The following CCAR1 variants were observed in gnomAD, a reference collection of about 807,000 sequenced individuals.
CCAR1 encodes the protein cell division cycle and apoptosis regulator protein 1.
In CCAR1, 78 loss-of-function variants were observed where a neutral mutation model predicts 163.8. The observed-to-expected ratio is 0.48, with a 90% CI of 0.40 to 0.57. The LOEUF is 0.57. Ranked by LOEUF, CCAR1 falls within the 20% of genes least tolerant of loss-of-function variation. The pLI is 0.00. For synonymous variants in CCAR1, 443 were observed against 460.7 expected (o/e 0.96, Z 0.49); for missense variants, 1,019 against 1,365.2 (o/e 0.75, Z 4.00).
chr10:68,737,858 C>T lies in CCAR1; in HGVS notation c.260C>T (p.Pro87Leu). Residue 87 changes from proline (P) to leucine (L), a missense_variant, in exon 4 of 25, where the codon CCT becomes CTT. Pro to Leu is a moderately conservative substitution (Grantham distance 98, BLOSUM62 -3). Around this residue, in one of 4 missense-constraint regions of CCAR1, gnomAD observed 644 missense variants for 904.4 expected, o/e 0.71. Coordinates refer to ENST00000265872, the MANE Select transcript of CCAR1 (RefSeq NM_018237.4). ...TTAATCTTTCAGCAATATTCACAAC[C>T]TCAGCAGGCCCTGTATAGTGTGCAA... The part of the protein sequence containing the change: ...AAALQQQYSQ[P>L]QQALYSVQQQ... 1 of 1,591,022 alleles carries T rather than the reference C, an allele frequency of 6.3e-7. No individual in the cohort carries two copies. Among genetic ancestry groups the T allele is most frequent in the South Asian group, 1.2e-5 (1 of 86,120 alleles).
chr10:68,789,198 T>C (rs1157598016), intron 23 of CCAR1, among the ~76,000 whole-genome samples: 3 of 151,868 alleles, frequency 2.0e-5, no homozygotes, highest in African/African-American at 7.3e-5. Flanking sequence ...CATGAGCCAC[T>C]GCGCCTGGCC....
chr10:68,727,075 T>G (rs1170232250), intron 2 of CCAR1, among the ~76,000 whole-genome samples: 2 of 136,662 alleles, frequency 1.5e-5, no homozygotes, highest in Non-Finnish European at 3.1e-5. Flanking sequence ...TTTTTTTTTG[T>G]TTTTTTTTTT....
chr10:68,770,304 T>C (rs2056586204), intron 17 of CCAR1, among the ~76,000 whole-genome samples: 1 of 152,228 alleles, frequency 6.6e-6, no homozygotes, highest in African/African-American at 2.4e-5. Context: ...TTATTTATTC[T>C]CTCCACTAGC....
chr10:68,771,668 A>G, intron 18 of CCAR1, among the ~76,000 whole-genome samples: 1 of 152,010 alleles, frequency 6.6e-6, no homozygotes, highest in Middle Eastern at 3.2e-3. Flanking sequence ...CTATAGTCCT[A>G]GCTATTGGGG....
At chr10:68,778,814 A>G (rs1357419753) in intron 19 of CCAR1, among the ~76,000 whole-genome samples, 2 of 151,872 alleles carry the variant, frequency 1.3e-5, no homozygotes, top group African/African-American at 4.8e-5. Context: ...TTCATATTTT[A>G]TATCTCATGA....
intron 13 of CCAR1, among the ~76,000 whole-genome samples, chr10:68,755,925 A>G (rs1333232525): frequency 1.3e-5 from 2 of 152,106 alleles, no homozygotes; most frequent in African/African-American, 2.4e-5. Context: ...CTTGAGGCTT[A>G]TTTGTCCTGT....
At chr10:68,789,066 C>T (rs771361406) in intron 23 of CCAR1, among the ~76,000 whole-genome samples, 1 of 151,662 alleles carries the variant, frequency 6.6e-6, no homozygotes, top group African/African-American at 2.4e-5. Flanking sequence ...CGTGTCACCA[C>T]GCCTGGCTAA....
chr10:68,726,204 T>TGCA (rs2055943611), intron 2 of CCAR1, among the ~76,000 whole-genome samples: 1 of 146,952 alleles, frequency 6.8e-6, no homozygotes, highest in South Asian at 2.2e-4. Context: ...CAGGCTGGAG[T>TGCA]GCAGTGGCAT....
Position 68,788,129 on chromosome 10 carries a change from A to G in CCAR1, c.3002-14A>G. 3 of 1,540,020 alleles carry G rather than the reference A, an allele frequency of 1.9e-6. No homozygotes were observed. The highest frequency in any genetic ancestry group is 2.6e-6 in the Non-Finnish European group (3 of 1,145,032). On this transcript the variant is annotated splice_polypyrimidine_tract_variant and intron_variant, in intron 22 of 24. Transcript: ENST00000265872. ...AAAATAACTTACTAAAATATGGTAT[A>G]TTTTATATTATAGGAAACAGATTAT... is the stretch of plus-strand genomic sequence containing the variant.
intron 9 of CCAR1, 58 bp downstream of exon 9, chr10:68,749,323 T>C (rs1564537190): frequency 1.3e-6 from 2 of 1,493,316 alleles, no homozygotes; most frequent in South Asian, 2.6e-5. Context: ...AATGGAAACA[T>C]AGTTAATGCC....
rs2133350729 is a variant in CCAR1, at chr10:68,749,132, A to G, written c.827-4A>G. On this transcript the variant is annotated splice_polypyrimidine_tract_variant and splice_region_variant and intron_variant, in intron 8 of 24. Transcript: ENST00000265872. ...TAAACGTTTTTTTCTTTTATCTTTT[A>G]AAGCTGGTTTATTGCAGCCTCCTGT... 3 of 1,613,730 alleles carry G rather than the reference A, an allele frequency of 1.9e-6. No homozygotes were observed. The South Asian group carries it at 3.3e-5, about 18-fold the overall frequency.
intron 19 of CCAR1, 41 bp downstream of exon 19, chr10:68,773,140 T>C: frequency 9.3e-7 from 1 of 1,071,870 alleles, no homozygotes; most frequent in South Asian, 1.5e-5. Context: ...GAGTTAAGAA[T>C]ACATTTTTTG....
chr10:68,772,899 C>A, intron 18 of CCAR1, 89 bp from the exon 19 acceptor site: 1 of 605,480 alleles, frequency 1.7e-6, no homozygotes, highest in Non-Finnish European at 2.8e-6. Context: ...TCGCTTGAGC[C>A]CACGGGTTGG....
chr10:68,737,790 T>A, intron 3 of CCAR1, 55 bp from the exon 4 acceptor site: 3 of 977,038 alleles, frequency 3.1e-6, no homozygotes, highest in Non-Finnish European at 4.7e-6. Flanking sequence ...TTTTTGAGAA[T>A]GAATAAATTT....
At chr10:68,733,053 T>C (rs905216641) in intron 2 of CCAR1, among the ~76,000 whole-genome samples, 5 of 152,214 alleles carry the variant, frequency 3.3e-5, no homozygotes, top group African/African-American at 9.6e-5. Flanking sequence ...AAATTCACTT[T>C]GTTGGTCCTT....
chr10:68,758,502 CAG>C (rs1491154614), intron 15 of CCAR1, among the ~76,000 whole-genome samples: 1 of 101,204 alleles, frequency 9.9e-6, no homozygotes. Flanking sequence ...CCATCCTGGG[CAG>C]TGTGTGTGTG....
Position 68,756,292 on chromosome 10 carries a change from C to A in CCAR1, c.1645C>A (p.Arg549Ser), listed in dbSNP as rs2056396463. The change falls in exon 14 of 25, where the codon CGC becomes AGC. Residue 549 changes from arginine (R) to serine (S), a missense_variant. Coordinates refer to ENST00000265872, the MANE Select transcript of CCAR1 (RefSeq NM_018237.4). This position sits in a 1 kb window ranked among gnomAD's most constrained non-coding sequence, Gnocchi z 5.1. ...CTQWYRFAEI[R>S]YHRPEETHKG... ...CAACAGGTACCGTTTTGCAGAGATTCGCTACCATCGCCCTGAGGAGACCCA... is the reference window on the plus strand; with the variant it reads ...CAACAGGTACCGTTTTGCAGAGATTAGCTACCATCGCCCTGAGGAGACCCA... The A allele has an allele frequency of 6.2e-7, 1 of 1,613,870 alleles. No individual in the cohort carries two copies. The highest frequency in any genetic ancestry group is 8.5e-7 in the Non-Finnish European group (1 of 1,179,864).
intron 5 of CCAR1, among the ~76,000 whole-genome samples, chr10:68,741,111 A>C (rs566191447): frequency 6.6e-6 from 1 of 151,888 alleles, no homozygotes; most frequent in African/African-American, 2.4e-5. Flanking sequence ...ATAGGGTTTC[A>C]CCATGCTAGC....
rs2056835119 is a variant in CCAR1 at position 68,789,922 on chromosome 10, A to C, written c.3393+7A>C. Reference sequence around the variant, plus strand: ...CCACACTGTTCTCAAGAAGGTGAGAAATTTTGTACTTTTAACATTTTCTTA... The same window carrying C: ...CCACACTGTTCTCAAGAAGGTGAGACATTTTGTACTTTTAACATTTTCTTA... On this transcript the variant is annotated splice_region_variant and intron_variant, in intron 24 of 24. Transcript: ENST00000265872. 1 of 1,515,388 alleles carries C rather than the reference A, an allele frequency of 6.6e-7. No homozygotes were observed. The highest frequency in any genetic ancestry group is 8.9e-7 in the Non-Finnish European group (1 of 1,126,664). The allele number at this position is 1,515,388 out of a possible 1,614,324, so 93.9% of individuals were successfully genotyped here. A position where few individuals can be genotyped will look rare whatever the true frequency, so the allele number is the denominator to read the frequency against.
Sources: allele counts gnomAD v4.1 joint callset (sites outside exome capture counted in the v4.1 genomes callset), GRCh38; gene constraint gnomAD v4.1.1; regional missense constraint gnomAD v4.1.1; non-coding constraint Gnocchi (gnomAD v3.1); transcripts MANE v1.5; gene names NCBI Gene and HGNC (gene_info 2026-07-23, HGNC 2026-07-21).